Variants in PERP observed in about 807,000 individuals in gnomAD.
PERP encodes p53 apoptosis effector related to PMP22, also known as p53 apoptosis effector related to PMP-22.
PERP carries 11 observed loss-of-function variants against 20.3 expected under a neutral mutation model. The ratio of observed to expected loss-of-function variants is 0.54; its 90% CI spans 0.34 to 0.90. The LOEUF (loss-of-function observed/expected upper bound fraction) is 0.90, where lower values mean the gene tolerates loss of function less well. PERP is among the 40% of genes least tolerant of loss of function. The pLI is 0.02. For synonymous variants in PERP, 101 were observed against 102.0 expected, an observed-to-expected ratio of 0.99 and a Z score of 0.06; for missense variants, 224 against 249.4, an observed-to-expected ratio of 0.90 and a Z score of 0.69.
chr6:138,104,727 G>A (rs1324539651), intron 1 of PERP, among the ~76,000 whole-genome samples: 1 of 152,182 alleles, frequency 6.6e-6, no homozygotes, highest in Admixed American at 6.5e-5. Flanking sequence ...TCTATACGGA[G>A]ATCTCATTTT....
rs145663845 is a variant in PERP, at chr6:138,107,242, G to A, written c.99C>T (p.Arg33=). 15,270 of 1,612,250 alleles carry A rather than the reference G, an allele frequency of 9.5e-3. 86 individuals are homozygous for A. The highest frequency in any genetic ancestry group is 0.012 in the Middle Eastern group (72 of 5,998). Residue 33 remains arginine (R), a synonymous_variant, in exon 1 of 3, where the codon CGC becomes CGT. Coordinates refer to ENST00000421351, the MANE Select transcript of PERP (RefSeq NM_022121.5). The surrounding 1 kb of genome is among the most constrained non-coding windows in gnomAD (Gnocchi z 4.8). ...IAFDIIALAG[R]GWLQSSDHGQ... ...CGTGGTCGCTAGACTGCAACCAGCC[G>A]CGGCCGGCCAGCGCGATGATGTCGA...
rs1164714516 is a variant in PERP at position 138,090,200 on chromosome 6, A to C, written c.*1842T>G. 6.6e-6 allele frequency: 1 copy of C among 152,170 alleles called. No individual in the cohort carries two copies. Among genetic ancestry groups the C allele is most frequent in the Non-Finnish European group, 1.5e-5 (1 of 68,022 alleles). 9.4% of individuals were successfully genotyped at this position (152,170 alleles called of 1,614,324 possible). A position where few individuals can be genotyped will look rare whatever the true frequency, so the allele number is the denominator to read the frequency against. On this transcript the variant is annotated 3_prime_UTR_variant, in exon 3 of 3. Coordinates refer to ENST00000421351, the MANE Select transcript of PERP (RefSeq NM_022121.5). The stretch of plus-strand genomic sequence containing the variant: ...TGAGAAACATTCACCTCGCATTTTG[A>C]AAAGCATAGAAAAATTCACTGCCAA...
Position 138,092,190 on chromosome 6 carries a change from A to G in PERP, c.434T>C (p.Val145Ala). ...QTFTLHANPA[V>A]TYIYNWAYGF... ...GTAGGCCCAGTTATAGATGTAAGTG[A>G]CAGCAGGGTTGGCATGAAGGGTGAA... Residue 145 changes from valine to alanine, a missense_variant, in exon 3 of 3, where the codon GTC becomes GCC. Val to Ala is a moderately conservative substitution (Grantham distance 64). Transcript: ENST00000421351. The G allele has an allele frequency of 6.2e-7, 1 of 1,614,166 alleles. No homozygotes were observed. The highest frequency in any genetic ancestry group is 1.1e-5 in the South Asian group (1 of 91,080).
In PERP at chr6:138,091,847, A is replaced by G. The variant is rs878966853; in HGVS notation, c.*195T>C. On this transcript the variant is annotated 3_prime_UTR_variant, in exon 3 of 3. Coordinates refer to ENST00000421351, the MANE Select transcript of PERP (RefSeq NM_022121.5). ...AATTAGTGAAAAGACACAACTTCAC[A>G]AAACATAATAAAAGATAAACATGAA... is the stretch of plus-strand genomic sequence containing the variant. 5 of 548,280 alleles carry G rather than the reference A, an allele frequency of 9.1e-6. No homozygotes were observed. In the South Asian group the frequency reaches 9.6e-5, roughly 11 times the overall value. The allele number at this position is 548,280 out of a possible 1,614,324, so 34.0% of individuals were successfully genotyped here.
At chr6:138,095,676 C>T (rs1247547883) in intron 2 of PERP, among the ~76,000 whole-genome samples, 1 of 152,150 alleles carries the variant, frequency 6.6e-6, no homozygotes, top group Non-Finnish European at 1.5e-5. Context: ...TAGGGTCCTG[C>T]CCCTTTGACA....
chr6:138,104,938 T>C (rs547217890), intron 1 of PERP, among the ~76,000 whole-genome samples: 33 of 150,554 alleles, frequency 2.2e-4, no homozygotes, highest in African/African-American at 7.5e-4. Flanking sequence ...AGTGTCGTTA[T>C]ACACAGCTTC....
At position 138,107,081 on chromosome 6, in the gene PERP, C is replaced by T. The variant is rs1449451803; in HGVS notation, c.214+46G>A. The T allele has an allele frequency of 6.4e-7, 1 of 1,563,220 alleles. No homozygotes were observed. The highest frequency in any genetic ancestry group is 8.6e-7 in the Non-Finnish European group (1 of 1,156,476). On this transcript the variant is annotated intron_variant, in intron 1 of 2. Transcript: ENST00000421351. The surrounding 1 kb of genome is among the most constrained non-coding windows in gnomAD (Gnocchi z 4.8). ...CGGCGGCTTTTGCAGGCCGCGGCCCCGAGGGCTTCCTGGAGGCGGCGACGG... is the reference window on the plus strand; with the variant it reads ...CGGCGGCTTTTGCAGGCCGCGGCCCTGAGGGCTTCCTGGAGGCGGCGACGG...
chr6:138,101,397 A>C (rs1292698489), intron 1 of PERP, among the ~76,000 whole-genome samples: 1 of 152,206 alleles, frequency 6.6e-6, no homozygotes, highest in Non-Finnish European at 1.5e-5. Flanking sequence ...GAAATGATAA[A>C]CTGAAGCTTG....
At chr6:138,103,001 A>G (rs1418976072) in intron 1 of PERP, among the ~76,000 whole-genome samples, 1 of 151,704 alleles carries the variant, frequency 6.6e-6, no homozygotes, top group African/African-American at 2.4e-5. Flanking sequence ...CGGGAGGCTC[A>G]GGCAGGAGAA....
chr6:138,089,252 T>C lies in PERP; in HGVS notation c.*2790A>G, dbSNP rs1340550068. On this transcript the variant is annotated 3_prime_UTR_variant, in exon 3 of 3. Transcript: ENST00000421351. ...TTCACATTTACTGTATTAATAGGAATGTCTTTCAGGGGGAGTTTACAGAAA... is the reference window on the plus strand; with the variant it reads ...TTCACATTTACTGTATTAATAGGAACGTCTTTCAGGGGGAGTTTACAGAAA... 7.2e-6 allele frequency: 1 copy of C among 139,174 alleles called. No individual in the cohort carries two copies. The highest frequency in any genetic ancestry group is 2.6e-5 in the African/African-American group (1 of 38,238). The allele number at this position is 139,174 out of a possible 1,614,324, so 8.6% of individuals were successfully genotyped here.
intron 1 of PERP, among the ~76,000 whole-genome samples, chr6:138,105,819 T>A (rs1775831887): frequency 6.6e-6 from 1 of 152,238 alleles, no homozygotes. Context: ...AAACAATTAA[T>A]TCGCTTTAAA....
At position 138,092,088 on chromosome 6, in the gene PERP, T is replaced by C; in HGVS notation, c.536A>G (p.Asp179Gly). ...CCTGGGCTTGGCATTGCCCAGAAGG[T>C]CATCTTCGTAGTTGGGGAGGCAGCA... ...FFCCLPNYED[D>G]LLGNAKPRYF... Residue 179 changes from aspartate (D) to glycine (G), a missense_variant, in exon 3 of 3, where the codon GAC becomes GGC. Asp to Gly is a moderately conservative substitution (Grantham distance 94). Coordinates refer to ENST00000421351, the MANE Select transcript of PERP (RefSeq NM_022121.5). 2 of 1,614,074 alleles carry C rather than the reference T, an allele frequency of 1.2e-6. No homozygotes were observed. Among genetic ancestry groups the C allele is most frequent in the African/African-American group, 1.3e-5 (1 of 75,028 alleles).
chr6:138,089,697 G>C lies in PERP; in HGVS notation c.*2345C>G, dbSNP rs1405178348. 2.0e-5 allele frequency: 3 copies of C among 152,104 alleles called. No homozygotes were observed. Among genetic ancestry groups the C allele is most frequent in the Non-Finnish European group, 4.4e-5 (3 of 68,016 alleles). The allele number at this position is 152,104 out of a possible 1,614,324, so 9.4% of individuals were successfully genotyped here. A position where few individuals can be genotyped will look rare whatever the true frequency, so the allele number is the denominator to read the frequency against. The stretch of plus-strand genomic sequence containing the variant: ...AACTTCCCTTCTGTTATGACATAAA[G>C]GTATCTGTCTTGGTGAATCTGGATC... On this transcript the variant is annotated 3_prime_UTR_variant, in exon 3 of 3. Transcript: ENST00000421351.
At position 138,092,053 on chromosome 6, in the gene PERP, T is replaced by C; in HGVS notation, c.571A>G (p.Thr191Ala). 16 of 1,613,754 alleles carry C rather than the reference T, an allele frequency of 9.9e-6. No individual in the cohort carries two copies. The highest frequency in any genetic ancestry group is 1.3e-5 in the Non-Finnish European group (15 of 1,179,782). ...CATTCATTCCCAAGTTAGGCAGATGTGTAGAAGTACCTGGGCTTGGCATTG... is the reference window on the plus strand; with the variant it reads ...CATTCATTCCCAAGTTAGGCAGATGCGTAGAAGTACCTGGGCTTGGCATTG... ...LGNAKPRYFY[T>A]SA Residue 191 changes from threonine to alanine, a missense_variant, in exon 3 of 3, where the codon ACA (threonine) becomes GCA (alanine). Transcript: ENST00000421351.
intron 2 of PERP, among the ~76,000 whole-genome samples, chr6:138,095,326 C>G (rs1263199489): frequency 6.6e-6 from 1 of 151,752 alleles, no homozygotes; most frequent in Admixed American, 6.6e-5. Context: ...TGTGCATGTA[C>G]CAGCTGGTTC....
Position 138,095,780 on chromosome 6 carries a change from G to T in PERP, c.355+574C>A, listed in dbSNP as rs546281060. Reference sequence around the variant, plus strand: ...ATTCCATCAATAAATATTCACACTGGGCCCTGCACACCTGAATAACTAAAT... The same window carrying T: ...ATTCCATCAATAAATATTCACACTGTGCCCTGCACACCTGAATAACTAAAT... On this transcript the variant is annotated intron_variant, in intron 2 of 2. Transcript: ENST00000421351. 5.3e-5 allele frequency among the ~76,000 whole-genome samples: 8 copies of T among 151,952 alleles called. No homozygotes were observed. The South Asian group carries it at 1.0e-3, about 20-fold the overall frequency.
At chr6:138,096,580 C>CT (rs1363661665) in intron 1 of PERP, 86 bp from the exon 2 acceptor site, 13 of 1,404,276 alleles carry the variant, frequency 9.3e-6, no homozygotes, top group Admixed American at 5.3e-5. Flanking sequence ...TGGTTTTGGG[C>CT]TTTTTTTCCC....
At chr6:138,106,024 T>G (rs1190803740) in intron 1 of PERP, among the ~76,000 whole-genome samples, 2 of 152,180 alleles carry the variant, frequency 1.3e-5, no homozygotes. Flanking sequence ...GGGCACCAAG[T>G]TGCTGATATA....
At chr6:138,104,980 A>C (rs1408826747) in intron 1 of PERP, among the ~76,000 whole-genome samples, 1 of 152,150 alleles carries the variant, frequency 6.6e-6, no homozygotes, top group Non-Finnish European at 1.5e-5. Context: ...GACAATGTGC[A>C]TGCAGGCGAT....
Sources: gnomAD v4.1 joint callset for allele counts (sites outside exome capture counted in the v4.1 genomes callset) on GRCh38, gnomAD v4.1.1 for gene constraint, Gnocchi (gnomAD v3.1) non-coding constraint, MANE v1.5 for transcripts, NCBI Gene and HGNC (gene_info 2026-07-23, HGNC 2026-07-21) for gene names.